Variants in TRIM24 observed in about 807,000 individuals in gnomAD.
TRIM24 encodes the protein tripartite motif containing 24.
Under a neutral mutation model 123.9 loss-of-function variants are expected in TRIM24, and 29 were observed. The ratio of observed to expected loss-of-function variants is 0.23; its 90% CI spans 0.17 to 0.32. The LOEUF (loss-of-function observed/expected upper bound fraction) is 0.32. Ranked by LOEUF, TRIM24 falls within the 10% of genes least tolerant of loss-of-function variation. The pLI is 1.00. For missense variants in TRIM24, 932 were observed against 1,295.3 expected (o/e 0.72, Z 4.31); for synonymous variants, 456 against 461.1 (o/e 0.99, Z 0.14).
intron 11 of TRIM24, among the ~76,000 whole-genome samples, chr7:138,572,998 A>G (rs1015894617): frequency 1.8e-4 from 27 of 152,246 alleles, no homozygotes; most frequent in Non-Finnish European, 1.6e-4. Context: ...TATTTAGCAC[A>G]TACCCAGAGT....
chr7:138,495,400 T>G (rs544885540), intron 1 of TRIM24, among the ~76,000 whole-genome samples: 1 of 152,190 alleles, frequency 6.6e-6, no homozygotes, highest in Non-Finnish European at 1.5e-5. Flanking sequence ...TCTTAGTCTT[T>G]AAGAATATTT....
chr7:138,546,818 G>A (rs1405471106), intron 7 of TRIM24, among the ~76,000 whole-genome samples: 1 of 152,170 alleles, frequency 6.6e-6, no homozygotes, highest in Non-Finnish European at 1.5e-5. Flanking sequence ...GGAGAAAGGG[G>A]AACGCTTGCA....
intron 7 of TRIM24, among the ~76,000 whole-genome samples, chr7:138,546,761 A>AT (rs1421555698): frequency 6.6e-6 from 1 of 152,210 alleles, no homozygotes; most frequent in East Asian, 1.9e-4. Context: ...AAATGATTAA[A>AT]TGGCTATTGT....
chr7:138,560,417 A>G (rs1287866956), intron 9 of TRIM24, among the ~76,000 whole-genome samples: 1 of 152,158 alleles, frequency 6.6e-6, no homozygotes, highest in Non-Finnish European at 1.5e-5. Flanking sequence ...CCCATCCTGA[A>G]AAGGTGCAGA....
rs1318465173 is a variant in TRIM24, at chr7:138,585,445, T to A, written c.*494T>A. ...GGTGTACTGTACTGAAGAACAGTAC[T>A]CCACAAACATGGGTGGTAACAAGAG... is the stretch of plus-strand genomic sequence containing the variant. On this transcript the variant is annotated 3_prime_UTR_variant, in exon 19 of 19. Coordinates refer to ENST00000343526, the MANE Select transcript of TRIM24 (RefSeq NM_015905.3). 1 of 292,482 alleles carries A rather than the reference T, an allele frequency of 3.4e-6. No individual in the cohort carries two copies. The highest frequency in any genetic ancestry group is 6.5e-6 in the Non-Finnish European group (1 of 153,834). The allele number at this position is 292,482 out of a possible 1,614,324, so 18.1% of individuals were successfully genotyped here.
At chr7:138,512,452 C>G (rs1199512955) in intron 2 of TRIM24, among the ~76,000 whole-genome samples, 1 of 152,120 alleles carries the variant, frequency 6.6e-6, no homozygotes, top group African/African-American at 2.4e-5. Flanking sequence ...CAGGCTTCTG[C>G]TTGGACATCC....
rs1036659654 is a variant in TRIM24, at chr7:138,460,324, G to T, written c.-225G>T. The stretch of plus-strand genomic sequence containing the variant: ...GTGCAGCCTCCCCGGTGCGAGGAAC[G>T]GTCTCCGCTGACAGATACCCTCCTT... On this transcript the variant is annotated 5_prime_UTR_variant, in exon 1 of 19. Transcript: ENST00000343526. 7.3e-6 allele frequency: 3 copies of T among 413,390 alleles called. No individual in the cohort carries two copies. In the South Asian group the frequency reaches 3.7e-4, roughly 52 times the overall value. The allele number at this position is 413,390 out of a possible 1,614,324, so 25.6% of individuals were successfully genotyped here.
chr7:138,558,829 G>C (rs1797368236), intron 9 of TRIM24, among the ~76,000 whole-genome samples: 1 of 152,198 alleles, frequency 6.6e-6, no homozygotes, highest in African/African-American at 2.4e-5. Context: ...GGTTTTTCCA[G>C]TAGTTTCATA....
Position 138,576,366 on chromosome 7 carries a change from T to C in TRIM24, c.2015-7T>C. 6.2e-7 allele frequency: 1 copy of C among 1,611,728 alleles called. No homozygotes were observed. Among genetic ancestry groups the C allele is most frequent in the African/African-American group, 1.3e-5 (1 of 74,986 alleles). ...GTTTTATGAATGTATGGTTTCCCCC[T>C]CCTCAGGACCTGTTACTATGACTAG... On this transcript the variant is annotated splice_region_variant and splice_polypyrimidine_tract_variant and intron_variant, in intron 12 of 18. Coordinates refer to ENST00000343526, the MANE Select transcript of TRIM24 (RefSeq NM_015905.3).
chr7:138,516,508 C>A (rs968677426), intron 3 of TRIM24, among the ~76,000 whole-genome samples: 2 of 152,080 alleles, frequency 1.3e-5, no homozygotes, highest in Non-Finnish European at 2.9e-5. Flanking sequence ...GTGTGCGCCA[C>A]CATGTGTGGC....
chr7:138,499,954 A>G (rs1796000153), intron 1 of TRIM24, among the ~76,000 whole-genome samples: 1 of 152,062 alleles, frequency 6.6e-6, no homozygotes, highest in African/African-American at 2.4e-5. Flanking sequence ...TTTGCGTTAT[A>G]TATATCCTCT....
intron 6 of TRIM24, among the ~76,000 whole-genome samples, chr7:138,531,661 A>C (rs562748662): frequency 6.6e-6 from 1 of 152,224 alleles, no homozygotes. Context: ...TATTGTGAAT[A>C]GTGCCGTAAT....
chr7:138,524,088 A>C (rs1002261466), intron 4 of TRIM24, among the ~76,000 whole-genome samples: 6 of 152,212 alleles, frequency 3.9e-5, no homozygotes, highest in African/African-American at 1.4e-4. Flanking sequence ...CATTGATGCT[A>C]AAATCTTGCA....
chr7:138,567,591 A>C lies in TRIM24; in HGVS notation c.1641A>C (p.Pro547=), dbSNP rs767755064. The C allele has an allele frequency of 1.2e-5, 19 of 1,613,698 alleles. No homozygotes were observed. The South Asian group carries it at 2.0e-4, about 17-fold the overall frequency. ...GATATCCACCAAACCAGAACATACC[A>C]CGACAAGCAATAAAGCCAAACCCCC... ...QLRYPPNQNI[P]RQAIKPNPLQ... is the part of the protein sequence containing the mutation. Residue 547 remains proline (P), a synonymous_variant, in exon 10 of 19, where the codon CCA becomes CCC. Coordinates refer to ENST00000343526, the MANE Select transcript of TRIM24 (RefSeq NM_015905.3).
chr7:138,575,903 T>C (rs1797747483), intron 12 of TRIM24, among the ~76,000 whole-genome samples: 1 of 152,166 alleles, frequency 6.6e-6, no homozygotes, highest in African/African-American at 2.4e-5. Context: ...CTTGGTTTTC[T>C]TTTTTGAACT....
intron 1 of TRIM24, among the ~76,000 whole-genome samples, chr7:138,465,477 A>G (rs1256835876): frequency 3.9e-5 from 6 of 152,194 alleles, no homozygotes; most frequent in Non-Finnish European, 5.9e-5. Context: ...CTCTCTACCT[A>G]AAAGACAATA....
chr7:138,565,178 A>G (rs1797510794), intron 9 of TRIM24, among the ~76,000 whole-genome samples: 1 of 152,038 alleles, frequency 6.6e-6, no homozygotes, highest in Non-Finnish European at 1.5e-5. Context: ...ACATGCACTC[A>G]CACACTTCCC....
At chr7:138,486,274 C>G (rs1386633921) in intron 1 of TRIM24, among the ~76,000 whole-genome samples, 1 of 152,078 alleles carries the variant, frequency 6.6e-6, no homozygotes, top group East Asian at 1.9e-4. Context: ...AATTTTTTCC[C>G]ATTCTGTAGG....
intron 6 of TRIM24, among the ~76,000 whole-genome samples, chr7:138,530,033 A>G (rs1438758419): frequency 6.6e-6 from 1 of 152,198 alleles, no homozygotes; most frequent in Non-Finnish European, 1.5e-5. Context: ...TTACCAAATT[A>G]AAAGGTTTCT....
Sources: allele counts gnomAD v4.1 joint callset (sites outside exome capture counted in the v4.1 genomes callset), GRCh38; gene constraint gnomAD v4.1.1; transcripts MANE v1.5; gene names NCBI Gene and HGNC (gene_info 2026-07-23, HGNC 2026-07-21).